Variants in RABEP1 observed in about 807,000 individuals in gnomAD.
RABEP1 encodes rabaptin, RAB GTPase binding effector protein 1.
In RABEP1, 51 loss-of-function variants were observed where a neutral mutation model predicts 123.4. The observed-to-expected ratio is 0.41, with a 90% CI of 0.33 to 0.52. RABEP1 has a LOEUF of 0.52. RABEP1 is among the 20% of genes least tolerant of loss of function. The pLI, the probability that RABEP1 is intolerant of heterozygous loss-of-function variation, is 0.16. For missense variants in RABEP1, 888 were observed against 996.3 expected, an observed-to-expected ratio of 0.89 and a Z score of 1.46; for synonymous variants, 347 against 355.2, an observed-to-expected ratio of 0.98 and a Z score of 0.26.
At chr17:5,316,447 C>T (rs1481987195) in intron 2 of RABEP1, among the ~76,000 whole-genome samples, 1 of 11,680 alleles carries the variant, frequency 8.6e-5, no homozygotes, top group African/African-American at 2.2e-4. Flanking sequence ...GAGACTCTGT[C>T]TCAAAAAAAA....
intron 2 of RABEP1, among the ~76,000 whole-genome samples, chr17:5,323,382 C>T (rs1468253286): frequency 6.6e-6 from 1 of 152,060 alleles, no homozygotes; most frequent in African/African-American, 2.4e-5. Context: ...AAATAAAGGG[C>T]ATCCAAATTG....
chr17:5,325,073 G>C (rs1474375084), intron 2 of RABEP1, among the ~76,000 whole-genome samples: 3 of 152,114 alleles, frequency 2.0e-5, no homozygotes, highest in Non-Finnish European at 4.4e-5. Flanking sequence ...AGCACTTTGG[G>C]AGGCCAAGGC....
intron 1 of RABEP1, among the ~76,000 whole-genome samples, chr17:5,291,342 T>C (rs577764469): frequency 5.3e-5 from 8 of 152,140 alleles, no homozygotes; most frequent in African/African-American, 1.9e-4. Flanking sequence ...CCTGGGAGGC[T>C]AAGAGGTTGT....
At position 5,381,423 on chromosome 17, in the gene RABEP1, A is replaced by C; in HGVS notation, c.2405A>C (p.Asn802Thr). Residue 802 changes from asparagine to threonine, a missense_variant, in exon 17 of 18, where the codon AAT becomes ACT. Physicochemically the swap from Asn to Thr is moderately conservative, Grantham distance 65 (BLOSUM62 0). Coordinates refer to ENST00000537505, the MANE Select transcript of RABEP1 (RefSeq NM_004703.6). The part of the protein sequence containing the change: ...TVEQLMFEEK[N>T]KAQRLQTELD... Reference sequence around the variant, plus strand: ...GAACAACTAATGTTTGAAGAGAAGAATAAAGCTCAGAGATTACAGACAGAA... The same window carrying C: ...GAACAACTAATGTTTGAAGAGAAGACTAAAGCTCAGAGATTACAGACAGAA... 1.2e-6 allele frequency: 2 copies of C among 1,613,658 alleles called. No individual in the cohort carries two copies. The highest frequency in any genetic ancestry group is 1.7e-6 in the Non-Finnish European group (2 of 1,179,738).
At chr17:5,335,019 T>C (rs1906929137) in intron 3 of RABEP1, among the ~76,000 whole-genome samples, 165 bp from the exon 4 acceptor site, 1 of 152,240 alleles carries the variant, frequency 6.6e-6, no homozygotes, top group South Asian at 2.1e-4. Context: ...AGCCCTTATT[T>C]CTGTATATAA....
chr17:5,313,622 TG>T (rs761037610), intron 2 of RABEP1, among the ~76,000 whole-genome samples: 1 of 152,224 alleles, frequency 6.6e-6, no homozygotes, highest in Non-Finnish European at 1.5e-5. Flanking sequence ...TAACATGGGT[TG>T]GTTCAGAAAA....
At chr17:5,316,893 T>C (rs1395052702) in intron 2 of RABEP1, among the ~76,000 whole-genome samples, 1 of 151,192 alleles carries the variant, frequency 6.6e-6, no homozygotes, top group East Asian at 1.9e-4. Flanking sequence ...ATTGATAAAT[T>C]TAAAAATTTT....
chr17:5,336,059 A>C (rs1371158835), intron 4 of RABEP1, among the ~76,000 whole-genome samples: 1 of 152,206 alleles, frequency 6.6e-6, no homozygotes, highest in East Asian at 1.9e-4. Context: ...GTAAATTGAG[A>C]CATTTTATCA....
intron 2 of RABEP1, among the ~76,000 whole-genome samples, chr17:5,324,022 A>G (rs1371838702): frequency 1.3e-5 from 2 of 151,922 alleles, no homozygotes; most frequent in Admixed American, 6.6e-5. Context: ...ATCCAAAGCA[A>G]TTTACAGATT....
At chr17:5,372,977 C>A (rs1052892944) in intron 12 of RABEP1, among the ~76,000 whole-genome samples, 4 of 152,168 alleles carry the variant, frequency 2.6e-5, no homozygotes, top group African/African-American at 9.7e-5. Flanking sequence ...AGGCTGGTCT[C>A]AAACTCCTGA....
chr17:5,380,594 G>T (rs1911372871), intron 16 of RABEP1, 132 bp downstream of exon 16: 1 of 791,938 alleles, frequency 1.3e-6, no homozygotes, highest in South Asian at 1.5e-5. Flanking sequence ...CTGACAGCTT[G>T]TGAAAAGAAA....
chr17:5,282,623 C>T (rs2074936798), intron 1 of RABEP1, 103 bp downstream of exon 1: 9 of 806,488 alleles, frequency 1.1e-5, no homozygotes, highest in South Asian at 1.1e-4. Flanking sequence ...CGCGCGCAGG[C>T]CCCGGGGGTG....
intron 7 of RABEP1, among the ~76,000 whole-genome samples, chr17:5,351,809 A>T (rs1908578080): frequency 6.6e-6 from 1 of 152,200 alleles, no homozygotes; most frequent in Middle Eastern, 3.2e-3. Flanking sequence ...CTCAAAAAAA[A>T]GTATATATAT....
At chr17:5,305,180 T>G (rs1488986094) in intron 1 of RABEP1, among the ~76,000 whole-genome samples, 1 of 151,994 alleles carries the variant, frequency 6.6e-6, no homozygotes, top group Non-Finnish European at 1.5e-5. Flanking sequence ...TGTCTCGATG[T>G]TGTAGTAAAG....
chr17:5,368,230 G>A, intron 11 of RABEP1, 140 bp from the exon 12 acceptor site: 1 of 628,882 alleles, frequency 1.6e-6, no homozygotes, highest in South Asian at 1.9e-5. Context: ...AGATGTGCAT[G>A]CAGCTGTTGG....
At chr17:5,343,246 G>A (rs927290096) in intron 5 of RABEP1, among the ~76,000 whole-genome samples, 9 of 151,968 alleles carry the variant, frequency 5.9e-5, no homozygotes, top group African/African-American at 1.4e-4. Flanking sequence ...GTGAAACTCC[G>A]TCTCAAAATA....
chr17:5,285,878 A>G (rs1174880887), intron 1 of RABEP1, among the ~76,000 whole-genome samples: 2 of 151,836 alleles, frequency 1.3e-5, no homozygotes, highest in African/African-American at 4.8e-5. Context: ...TATCATATGC[A>G]TGTACCAGGC....
chr17:5,373,737 C>CACACACACACACACACACACA (rs1910736940), intron 13 of RABEP1, among the ~76,000 whole-genome samples: 1 of 144,214 alleles, frequency 6.9e-6, no homozygotes, highest in Non-Finnish European at 1.5e-5. Flanking sequence ...CACACACACA[C>CACACACACACACACACACACA]GAAAAAGTAA....
chr17:5,380,148 T>G (rs530105544), intron 15 of RABEP1, among the ~76,000 whole-genome samples: 20 of 152,344 alleles, frequency 1.3e-4, no homozygotes, highest in African/African-American at 4.8e-4. Flanking sequence ...TTCTCCATTT[T>G]GAGGCCTTAG....
Sources: gnomAD v4.1 joint callset for allele counts (sites outside exome capture counted in the v4.1 genomes callset) on GRCh38, gnomAD v4.1.1 for gene constraint, MANE v1.5 for transcripts, NCBI Gene and HGNC (gene_info 2026-07-23, HGNC 2026-07-21) for gene names.